The following ZNF469 variants were observed in gnomAD, a reference collection of about 807,000 sequenced individuals.
The protein encoded by ZNF469 is zinc finger protein 469.
ZNF469 carries 1 observed loss-of-function variant against 1.0 expected under a neutral mutation model. The ratio of observed to expected loss-of-function variants is 1.00; its 90% CI spans 0.35 to 4.73. The LOEUF is 4.73. ZNF469 is among the 30% of genes most tolerant of loss of function. The probability of loss-of-function intolerance (pLI) is 0.16; values close to 1 mark genes in which losing one functional copy is unlikely to be tolerated. For missense variants in ZNF469, 6,100 were observed against 5,356.3 expected, an observed-to-expected ratio of 1.14 and a Z score of -4.33; for synonymous variants, 2,703 against 2,363.4, an observed-to-expected ratio of 1.14 and a Z score of -4.17.
chr16:88,193,387 G>T, the ZNF469 span, among the ~76,000 whole-genome samples: 1 of 152,074 alleles, frequency 6.6e-6, no homozygotes, highest in Admixed American at 6.6e-5. Context: ...AGTCCATCTG[G>T]GTTGCTTTAA....
the ZNF469 span, among the ~76,000 whole-genome samples, chr16:88,340,490 A>C: frequency 2.0e-5 from 3 of 152,308 alleles, no homozygotes; most frequent in East Asian, 3.9e-4. Context: ...CATAGGCCAG[A>C]CATCACGGGT....
At chr16:88,374,817 T>C in the ZNF469 span, among the ~76,000 whole-genome samples, 1 of 151,666 alleles carries the variant, frequency 6.6e-6, no homozygotes, top group East Asian at 1.9e-4. Context: ...TGAGCGGCTG[T>C]ATCTGCGCTC....
chr16:88,382,216 C>G (rs1312567780), upstream of ZNF469, among the ~76,000 whole-genome samples: 1 of 152,238 alleles, frequency 6.6e-6, no homozygotes, highest in Non-Finnish European at 1.5e-5. Context: ...GGGACGGGCA[C>G]GTACTGGGCC....
the ZNF469 span, among the ~76,000 whole-genome samples, chr16:88,278,772 G>A: frequency 7.5e-6 from 1 of 134,080 alleles, no homozygotes; most frequent in South Asian, 2.5e-4. Context: ...GCCGACACTT[G>A]GTCAGTACCG....
At chr16:88,312,461 CA>C in the ZNF469 span, among the ~76,000 whole-genome samples, 1 of 152,124 alleles carries the variant, frequency 6.6e-6, no homozygotes, top group Non-Finnish European at 1.5e-5. Flanking sequence ...TATAAGTTGC[CA>C]AATTTCTCCC....
chr16:88,397,655 G>GAGATAGATAGATAGATAGATAGAT (rs143095907), intron 1 of ZNF469, among the ~76,000 whole-genome samples: 2,900 of 134,720 alleles, frequency 0.022, 25 homozygotes, highest in Middle Eastern at 0.032. Context: ...ATATAAATAA[G>GAGATAGATAGATAGATAGATAGAT]AGATAGATAG....
chr16:88,434,982 G>A lies in ZNF469; in HGVS notation c.7512G>A (p.Glu2504=), dbSNP rs892064984. 17 of 1,550,050 alleles carry A rather than the reference G, an allele frequency of 1.1e-5. No homozygotes were observed. In the African/African-American group the frequency reaches 1.4e-4, roughly 12 times the overall value. The change falls in exon 3 of 3, where the codon GAG becomes GAA. Residue 2504 remains glutamate (E), a synonymous_variant. Transcript: ENST00000565624. ...KHRPHPGAPA[E]PSPAALPAQQ... ...GGCCACACCCGGGAGCCCCCGCGGA[G>A]CCGAGCCCAGCGGCCTTGCCTGCTC...
At chr16:88,202,230 T>A in the ZNF469 span, among the ~76,000 whole-genome samples, 1 of 152,192 alleles carries the variant, frequency 6.6e-6, no homozygotes, top group East Asian at 1.9e-4. Flanking sequence ...ACACCAGTCA[T>A]GTGGTGGCTG....
chr16:88,247,791 A>G, the ZNF469 span, among the ~76,000 whole-genome samples: 4 of 144,046 alleles, frequency 2.8e-5, no homozygotes, highest in East Asian at 6.4e-4. Context: ...GGGAGTGAGT[A>G]AATGAGTGAA....
At chr16:88,139,053 A>G in the ZNF469 span, among the ~76,000 whole-genome samples, 4 of 152,222 alleles carry the variant, frequency 2.6e-5, no homozygotes, top group African/African-American at 7.2e-5. Flanking sequence ...TTTTAAGTCC[A>G]TAGACAAGCT....
At chr16:88,393,424 T>A (rs1904544294) in intron 1 of ZNF469, among the ~76,000 whole-genome samples, 1 of 152,160 alleles carries the variant, frequency 6.6e-6, no homozygotes, top group Non-Finnish European at 1.5e-5. Flanking sequence ...TGGGCTGTGT[T>A]TATGCCGGAC....
At chr16:88,346,754 G>C in the ZNF469 span, among the ~76,000 whole-genome samples, 2 of 152,212 alleles carry the variant, frequency 1.3e-5, no homozygotes, top group Non-Finnish European at 1.5e-5. Context: ...CCTTTAAGAG[G>C]AAGTGGGGAG....
chr16:88,380,977 C>CAG (rs1299680640), upstream of ZNF469, among the ~76,000 whole-genome samples: 2 of 141,196 alleles, frequency 1.4e-5, no homozygotes, highest in Admixed American at 1.4e-4. Context: ...TGCACTCACA[C>CAG]ATATGCACTC....
the ZNF469 span, among the ~76,000 whole-genome samples, chr16:88,365,552 C>T: frequency 6.6e-6 from 1 of 152,178 alleles, no homozygotes; most frequent in Non-Finnish European, 1.5e-5. Context: ...TGGGAAAGAA[C>T]CCTGGAGCCG....
At chr16:88,302,954 G>A in the ZNF469 span, among the ~76,000 whole-genome samples, 3 of 152,328 alleles carry the variant, frequency 2.0e-5, no homozygotes, top group Admixed American at 2.0e-4. Context: ...TGTGGGAAGG[G>A]CGTGGAACTC....
At chr16:88,126,507 G>C in the ZNF469 span, among the ~76,000 whole-genome samples, 1 of 146,804 alleles carries the variant, frequency 6.8e-6, no homozygotes, top group Non-Finnish European at 1.5e-5. Flanking sequence ...ACTGGATGTT[G>C]AGTTTTGCCA....
chr16:88,195,717 CG>C, the ZNF469 span, among the ~76,000 whole-genome samples: 1 of 152,182 alleles, frequency 6.6e-6, no homozygotes, highest in Non-Finnish European at 1.5e-5. Context: ...TCTGAGACCT[CG>C]GGGTGTCCCG....
intron 2 of ZNF469, among the ~76,000 whole-genome samples, chr16:88,426,929 G>A (rs767614475): frequency 2.6e-4 from 40 of 152,120 alleles, no homozygotes; most frequent in African/African-American, 8.4e-4. Flanking sequence ...CCTCCTGGAC[G>A]CTGCCAGGAC....
At chr16:88,358,210 C>G in the ZNF469 span, among the ~76,000 whole-genome samples, 1 of 152,208 alleles carries the variant, frequency 6.6e-6, no homozygotes, top group African/African-American at 2.4e-5. Flanking sequence ...GGAAGCCCAG[C>G]TAAGCAAACA....
Sources: gnomAD v4.1 joint callset for allele counts (sites outside exome capture counted in the v4.1 genomes callset) on GRCh38, gnomAD v4.1.1 for gene constraint, MANE v1.5 for transcripts, NCBI Gene and HGNC (gene_info 2026-07-23, HGNC 2026-07-21) for gene names.